The following NIBAN3 variants were observed in gnomAD, a reference collection of about 807,000 sequenced individuals.
NIBAN3 encodes the protein niban apoptosis regulator 3, also known as protein Niban 3.
In NIBAN3, 66 loss-of-function variants were observed where a neutral mutation model predicts 76.4. That is an observed-to-expected ratio of 0.86 (90% CI 0.71 to 1.06). The LOEUF (loss-of-function observed/expected upper bound fraction) is 1.06, where lower values mean the gene tolerates loss of function less well. Ranked by LOEUF, NIBAN3 falls within the 50% of genes least tolerant of loss-of-function variation. NIBAN3 has a pLI of 0.00. For missense variants in NIBAN3, 808 were observed against 810.7 expected, an observed-to-expected ratio of 1.00 and a Z score of 0.04; for synonymous variants, 360 against 355.2, an observed-to-expected ratio of 1.01 and a Z score of -0.15.
chr19:17,552,051 G>T lies in NIBAN3; in HGVS notation c.*153G>T. ...ACTCCAAGCAGCAGCATTTATTTGT[G>T]TATTTTCCCCAAGGCTTTCTTTATT... On this transcript the variant is annotated 3_prime_UTR_variant, in exon 15 of 15. Transcript: ENST00000599164. The T allele has an allele frequency of 9.4e-6, 4 of 425,646 alleles. No individual in the cohort carries two copies. Among genetic ancestry groups the T allele is most frequent in the South Asian group, 5.5e-5 (1 of 18,172 alleles). 26.4% of individuals were successfully genotyped at this position (425,646 alleles called of 1,614,324 possible). A position where few individuals can be genotyped will look rare whatever the true frequency, so the allele number is the denominator to read the frequency against.
rs140480152 is a variant in NIBAN3 at position 17,540,941 on chromosome 19, G to T, written c.1170+359G>T. On this transcript the variant is annotated intron_variant, in intron 9 of 14. Coordinates refer to ENST00000599164, the MANE Select transcript of NIBAN3 (RefSeq NM_001321827.2). Reference sequence around the variant, plus strand: ...GTAGAGATGGGGGTCTTGCTTTGTTGCCCAGGCTGGTCTCAAACTCCTGGG... The same window carrying T: ...GTAGAGATGGGGGTCTTGCTTTGTTTCCCAGGCTGGTCTCAAACTCCTGGG... 4.9e-3 allele frequency among the ~76,000 whole-genome samples: 739 copies of T among 152,226 alleles called. 4 individuals carry two copies. Among genetic ancestry groups the T allele is most frequent in the African/African-American group, 0.017 (697 of 41,524 alleles).
In NIBAN3 at chr19:17,553,369, T is replaced by C; in HGVS notation, c.*1471T>C. The C allele has an allele frequency of 1.2e-6, 2 of 1,614,198 alleles. No homozygotes were observed. The highest frequency in any genetic ancestry group is 1.7e-6 in the Non-Finnish European group (2 of 1,180,036). Reference sequence around the variant, plus strand: ...GGCTGGGAGACAAGCTTTTACCGACTTCCTCTGCTTGCCAGCAAAGTCATC... The same window carrying C: ...GGCTGGGAGACAAGCTTTTACCGACCTCCTCTGCTTGCCAGCAAAGTCATC... On this transcript the variant is annotated 3_prime_UTR_variant, in exon 15 of 15. Transcript: ENST00000599164.
chr19:17,540,244 C>A, intron 8 of NIBAN3, 148 bp from the exon 9 acceptor site: 1 of 542,532 alleles, frequency 1.8e-6, no homozygotes, highest in Non-Finnish European at 3.0e-6. Flanking sequence ...GGGCCCGCCC[C>A]TCCGAGGCTC....
At chr19:17,539,063 C>T in intron 5 of NIBAN3, 87 bp from the exon 6 acceptor site, 1 of 1,186,090 alleles carries the variant, frequency 8.4e-7, no homozygotes, top group Non-Finnish European at 1.2e-6. Context: ...GTGTTGGGGA[C>T]CTGGCCAGGC....
chr19:17,527,924 G>A (rs2075637041), intron 1 of NIBAN3, among the ~76,000 whole-genome samples: 1 of 151,872 alleles, frequency 6.6e-6, no homozygotes, highest in Non-Finnish European at 1.5e-5. Context: ...GAACTCCTGA[G>A]CTCAAGCGAT....
intron 5 of NIBAN3, 64 bp from the exon 6 acceptor site, chr19:17,539,086 C>T: frequency 7.0e-7 from 1 of 1,437,176 alleles, no homozygotes; most frequent in Non-Finnish European, 9.4e-7. Context: ...AGGGCTTCCT[C>T]CCCGGGCCAT....
At position 17,540,505 on chromosome 19, in the gene NIBAN3, A is replaced by G; in HGVS notation, c.1093A>G (p.Thr365Ala). 4 of 1,598,466 alleles carry G rather than the reference A, an allele frequency of 2.5e-6. No individual in the cohort carries two copies. The highest frequency in any genetic ancestry group is 2.6e-6 in the Non-Finnish European group (3 of 1,172,970). Reference sequence around the variant, plus strand: ...GGAAGCCTCGCTCGAGGCGGTGCGGACCCTCCTGGCTCAAGGCATGGACCG... The same window carrying G: ...GGAAGCCTCGCTCGAGGCGGTGCGGGCCCTCCTGGCTCAAGGCATGGACCG... ...TVEASLEAVR[T>A]LLAQGMDRLS... Residue 365 changes from threonine (T) to alanine (A), a missense_variant, in exon 9 of 15, where the codon ACC becomes GCC. Coordinates refer to ENST00000599164, the MANE Select transcript of NIBAN3 (RefSeq NM_001321827.2).
At position 17,539,264 on chromosome 19, in the gene NIBAN3, A is replaced by G. The variant is rs1599733158; in HGVS notation, c.710A>G (p.Glu237Gly). The G allele has an allele frequency of 6.3e-7, 1 of 1,598,056 alleles. No individual in the cohort carries two copies. The highest frequency in any genetic ancestry group is 2.3e-5 in the East Asian group (1 of 44,006). The change falls in exon 6 of 15, where the codon GAG becomes GGG. Residue 237 changes from glutamate to glycine, a missense_variant and splice_region_variant. Coordinates refer to ENST00000599164, the MANE Select transcript of NIBAN3 (RefSeq NM_001321827.2). ...GACGTGACCCTAGGCTCAGACGCCG[A>G]GGTTAGTGCCCCGCGAGGCCGCACC... ...DDDVTLGSDA[E>G]VLTAVLMREQ...
chr19:17,536,056 C>T (rs932258993), intron 4 of NIBAN3, among the ~76,000 whole-genome samples: 1 of 152,188 alleles, frequency 6.6e-6, no homozygotes, highest in Non-Finnish European at 1.5e-5. Context: ...CACAGTTTCA[C>T]GCAGATTTTA....
intron 4 of NIBAN3, among the ~76,000 whole-genome samples, chr19:17,534,754 G>A (rs932435623): frequency 1.4e-5 from 2 of 145,796 alleles, no homozygotes; most frequent in African/African-American, 5.2e-5. Context: ...TCGCGCCACT[G>A]CACTCCAGCC....
chr19:17,527,392 A>C lies in NIBAN3; in HGVS notation c.52A>C (p.Arg18=), dbSNP rs2075624102. ...PLDKQQRQHL[R]GQVDTLLRNF... is the part of the protein sequence containing the mutation. ...GGACAAGCAGCAGCGGCAGCACCTAAGGGGTGAGCAGCCGGGGAGGGGACA... is the reference window on the plus strand; with the variant it reads ...GGACAAGCAGCAGCGGCAGCACCTACGGGGTGAGCAGCCGGGGAGGGGACA... Residue 18 remains arginine, a synonymous_variant, in exon 1 of 15, where the codon AGG becomes CGG. Transcript: ENST00000599164. 1 of 1,292,146 alleles carries C rather than the reference A, an allele frequency of 7.7e-7. No homozygotes were observed. Among genetic ancestry groups the C allele is most frequent in the Non-Finnish European group, 1.0e-6 (1 of 975,428 alleles). The allele number at this position is 1,292,146 out of a possible 1,614,324, so 80.0% of individuals were successfully genotyped here.
chr19:17,534,937 T>C (rs1270120816), intron 4 of NIBAN3, among the ~76,000 whole-genome samples: 2 of 152,130 alleles, frequency 1.3e-5, no homozygotes, highest in Admixed American at 1.3e-4. Flanking sequence ...CTACCCCATT[T>C]CACAGATAAG....
chr19:17,532,329 C>T lies in NIBAN3; in HGVS notation c.253C>T (p.Gln85Ter). Residue 85 changes from glutamine (Q) to a stop codon, truncating the protein, a stop_gained, in exon 3 of 15, where the codon CAG becomes TAG. Transcript: ENST00000599164. LOFTEE classifies it high-confidence loss of function. Reference sequence around the variant, plus strand: ...GCTTCGGGGCCACCCACCCCGGTGGCAGCCGATCTTCTGTGTTCTGCGTGG... The same window carrying T: ...GCTTCGGGGCCACCCACCCCGGTGGTAGCCGATCTTCTGTGTTCTGCGTGG... ...TQLRGHPPRW[Q>*]PIFCVLRGDG... is the part of the protein sequence containing the mutation. 1 of 1,614,140 alleles carries T rather than the reference C, an allele frequency of 6.2e-7. No homozygotes were observed. The highest frequency in any genetic ancestry group is 8.5e-7 in the Non-Finnish European group (1 of 1,180,006).
chr19:17,535,845 C>A (rs1029042794), intron 4 of NIBAN3, among the ~76,000 whole-genome samples: 2 of 151,698 alleles, frequency 1.3e-5, no homozygotes, highest in Non-Finnish European at 1.5e-5. Flanking sequence ...TTGAGGCCAC[C>A]GTGAGCTATG....
chr19:17,530,758 A>AC lies in NIBAN3; in HGVS notation c.59_60insC (p.Gln20HisfsTer50). On this transcript the variant is annotated frameshift_variant, in exon 2 of 15. Transcript: ENST00000599164. LOFTEE classifies it high-confidence loss of function. The stretch of plus-strand genomic sequence containing the variant: ...CACTGTCCCCTTGTCCCTGCAGGTC[A>AC]GGTGGACACCCTGCTGAGGAACTTC... 1.2e-6 allele frequency: 2 copies of AC among 1,608,192 alleles called. No individual in the cohort carries two copies. The highest frequency in any genetic ancestry group is 4.5e-5 in the East Asian group (2 of 44,538).
downstream of NIBAN3, among the ~76,000 whole-genome samples, chr19:17,555,070 A>G (rs780375411): frequency 1.3e-5 from 2 of 152,132 alleles, no homozygotes; most frequent in Non-Finnish European, 2.9e-5. Context: ...AGAACGGTCC[A>G]TTATCATGCC....
intron 3 of NIBAN3, 57 bp from the exon 4 acceptor site, chr19:17,533,530 A>G: frequency 8.3e-7 from 1 of 1,211,172 alleles, no homozygotes; most frequent in Middle Eastern, 1.9e-4. Flanking sequence ...TATAGTTGGG[A>G]CACAGAAGCC....
chr19:17,532,204 C>A (rs558496772), intron 2 of NIBAN3, 59 bp from the exon 3 acceptor site: 1 of 1,549,734 alleles, frequency 6.5e-7, no homozygotes, highest in Non-Finnish European at 8.7e-7. Flanking sequence ...TCTGGGTGGT[C>A]GGGCCACAGG....
upstream of NIBAN3, chr19:17,527,098 T>TCCCACAC: frequency 1.1e-6 from 1 of 930,740 alleles, no homozygotes; most frequent in Non-Finnish European, 1.6e-6. Context: ...ATTTTCTTTC[T>TCCCACAC]CCCACACCCC....
Sources: allele counts gnomAD v4.1 joint callset (sites outside exome capture counted in the v4.1 genomes callset), GRCh38; gene constraint gnomAD v4.1.1; transcripts MANE v1.5; gene names NCBI Gene and HGNC (gene_info 2026-07-23, HGNC 2026-07-21).